Variants in CHAMP1 observed in about 807,000 individuals in gnomAD.
CHAMP1 encodes chromosome alignment maintaining phosphoprotein 1.
In CHAMP1, 4 loss-of-function variants were observed where a neutral mutation model predicts 54.5. That is an observed-to-expected ratio of 0.07 (90% CI 0.04 to 0.17). The LOEUF is 0.17. Ranked by LOEUF, CHAMP1 falls within the 10% of genes least tolerant of loss-of-function variation. CHAMP1 has a pLI of 1.00. For missense variants in CHAMP1, 994 were observed against 968.6 expected (o/e 1.03, Z -0.35); for synonymous variants, 368 against 342.2 (o/e 1.08, Z -0.83).
At position 114,324,381 on chromosome 13, in the gene CHAMP1, C is replaced by A. The variant is rs531791050; in HGVS notation, c.539C>A (p.Ala180Asp). 60 of 1,614,144 alleles carry A rather than the reference C, an allele frequency of 3.7e-5. 1 individual carries two copies. The South Asian group carries it at 6.3e-4, about 17-fold the overall frequency. ...CCTTCTCCTGAGCCTTCAAAACCTG[C>A]CTCTGTTTCTTCTCCTGAACCTCCA... Reference protein sequence around the residue: ...PLPSPEPSKPASVSSPEPPKS... With the variant: ...PLPSPEPSKPDSVSSPEPPKS... The change falls in exon 3 of 3, where the codon GCC (alanine) becomes GAC (aspartate). Residue 180 changes from alanine to aspartate, a missense_variant. Ala to Asp is a moderately radical substitution (Grantham distance 126, BLOSUM62 -2). Around this residue, in one of 3 missense-constraint regions of CHAMP1, gnomAD observed 851 missense variants for 701.3 expected, o/e 1.21. Coordinates refer to ENST00000361283, the MANE Select transcript of CHAMP1 (RefSeq NM_032436.4).
chr13:114,319,510 G>T (rs2087142456), intron 1 of CHAMP1, among the ~76,000 whole-genome samples: 1 of 152,198 alleles, frequency 6.6e-6, no homozygotes, highest in Non-Finnish European at 1.5e-5. Flanking sequence ...TGTACAGCTG[G>T]GGCTTCTAGG....
In CHAMP1 at chr13:114,326,562, C is replaced by G. The variant is rs930340959; in HGVS notation, c.*281C>G. On this transcript the variant is annotated 3_prime_UTR_variant, in exon 3 of 3. Transcript: ENST00000361283. ...ATAATAATACAAGGAAGTAGGCATT[C>G]CATTTAATAATCAAGAGCAAGTTGT... 7.2e-6 allele frequency: 2 copies of G among 277,072 alleles called. No homozygotes were observed. 17.2% of individuals were successfully genotyped at this position (277,072 alleles called of 1,614,324 possible).
chr13:114,317,320 C>G (rs561771172), intron 1 of CHAMP1, among the ~76,000 whole-genome samples: 2 of 152,066 alleles, frequency 1.3e-5, no homozygotes, highest in South Asian at 4.2e-4. Context: ...CCACTGCGCC[C>G]GCCCAGTTTA....
In CHAMP1 at chr13:114,325,695, A is replaced by G. The variant is rs782771342; in HGVS notation, c.1853A>G (p.Lys618Arg). The change falls in exon 3 of 3, where the codon AAG becomes AGG. Residue 618 changes from lysine (K) to arginine (R), a missense_variant. This residue lies in a region of CHAMP1 where 851 missense variants were observed against 701.3 expected (regional missense o/e 1.21). Transcript: ENST00000361283. ...LEDTLFPSSK[K>R]LKKDNQESSD... ...GATACTTTATTTCCTTCCTCAAAGAAGCTCAAGAAAGACAACCAAGAGAGC... is the reference window on the plus strand; with the variant it reads ...GATACTTTATTTCCTTCCTCAAAGAGGCTCAAGAAAGACAACCAAGAGAGC... The G allele has an allele frequency of 9.9e-6, 16 of 1,613,578 alleles. No individual in the cohort carries two copies. Among genetic ancestry groups the G allele is most frequent in the Non-Finnish European group, 1.4e-5 (16 of 1,179,908 alleles).
rs1555379693 is a variant in CHAMP1, at chr13:114,325,063, A to G, written c.1221A>G (p.Glu407=). The G allele has an allele frequency of 7.4e-6, 12 of 1,613,946 alleles. No individual in the cohort carries two copies. The highest frequency in any genetic ancestry group is 1.7e-6 in the Non-Finnish European group (2 of 1,180,024). ...AGACAGCTCCCACGTTGTCTCCTGA[A>G]CATTGGAAGGCAGTTCCCCCAGTGT... The part of the protein sequence containing the change: ...LRKTAPTLSP[E]HWKAVPPVSP... Residue 407 remains glutamate, a synonymous_variant, in exon 3 of 3, where the codon GAA becomes GAG. Coordinates refer to ENST00000361283, the MANE Select transcript of CHAMP1 (RefSeq NM_032436.4).
chr13:114,322,614 T>G (rs2087189159), intron 2 of CHAMP1: 1 of 152,212 alleles, frequency 6.6e-6, no homozygotes, highest in Admixed American at 6.5e-5. Context: ...ATGTATCAAT[T>G]TTACACACAA....
At chr13:114,319,589 C>A (rs765667075) in intron 1 of CHAMP1, among the ~76,000 whole-genome samples, 43 of 152,090 alleles carry the variant, frequency 2.8e-4, no homozygotes, top group Non-Finnish European at 5.6e-4. Flanking sequence ...AGAACTTCAA[C>A]CAAATGCCAA....
At chr13:114,323,608 C>T in intron 2 of CHAMP1, 180 bp from the exon 3 acceptor site, 1 of 466,254 alleles carries the variant, frequency 2.1e-6, no homozygotes, top group East Asian at 3.4e-5. Context: ...GTATGTGAAA[C>T]TCCTAGCAGA....
rs1226172025 is a variant in CHAMP1, at chr13:114,326,939, AGTT to A, written c.*662_*664del. The A allele has an allele frequency of 2.4e-5, 4 of 166,752 alleles. No homozygotes were observed. The highest frequency in any genetic ancestry group is 1.9e-4 in the East Asian group (1 of 5,192). 10.3% of individuals were successfully genotyped at this position (166,752 alleles called of 1,614,324 possible). On this transcript the variant is annotated 3_prime_UTR_variant, in exon 3 of 3. Transcript: ENST00000361283. ...GTGATTTTAGATCTTTCTTGTCCAT[AGTT>A]GTTTTCAGTGGAGTCTTCCATTCTG...
chr13:114,314,756 AG>A (rs2087074298), intron 1 of CHAMP1, 113 bp downstream of exon 1: 1 of 152,028 alleles, frequency 6.6e-6, no homozygotes, highest in South Asian at 2.1e-4. Context: ...GTCCGAGTGA[AG>A]GGGGCCTGCG....
At chr13:114,318,329 G>A (rs1335599627) in intron 1 of CHAMP1, among the ~76,000 whole-genome samples, 1 of 145,822 alleles carries the variant, frequency 6.9e-6, no homozygotes, top group Non-Finnish European at 1.5e-5. Flanking sequence ...TTTTTTTTTG[G>A]TTTTCTTTTT....
chr13:114,323,636 A>T, intron 2 of CHAMP1, 152 bp from the exon 3 acceptor site: 1 of 601,506 alleles, frequency 1.7e-6, no homozygotes, highest in African/African-American at 1.9e-5. Context: ...GGACTGTTCT[A>T]TATCTCCTTT....
At chr13:114,314,862 C>CA (rs2087075747) in intron 1 of CHAMP1, among the ~76,000 whole-genome samples, 2 of 152,196 alleles carry the variant, frequency 1.3e-5, no homozygotes, top group African/African-American at 4.8e-5. Flanking sequence ...GGCCCGGTGT[C>CA]AGTCGCTGCC....
At chr13:114,315,923 G>A (rs1413233437) in intron 1 of CHAMP1, among the ~76,000 whole-genome samples, 6 of 143,132 alleles carry the variant, frequency 4.2e-5, no homozygotes, top group Non-Finnish European at 7.5e-5. Context: ...TGCAACCTCC[G>A]CCCCCTGGGT....
chr13:114,322,832 C>T (rs782705854), intron 2 of CHAMP1: 5 of 152,112 alleles, frequency 3.3e-5, no homozygotes, highest in Non-Finnish European at 5.9e-5. Context: ...ACATTTCTTC[C>T]AGGACACATG....
rs144858829 is a variant in CHAMP1, at chr13:114,326,461, T to C, written c.*180T>C. Reference sequence around the variant, plus strand: ...CATTTTTTTCTGGTCTCTGTCTATGTGACTATCTTGTAAGTCAATAAATTT... The same window carrying C: ...CATTTTTTTCTGGTCTCTGTCTATGCGACTATCTTGTAAGTCAATAAATTT... On this transcript the variant is annotated 3_prime_UTR_variant, in exon 3 of 3. Transcript: ENST00000361283. The C allele has an allele frequency of 3.8e-4, 235 of 623,816 alleles. 4 individuals carry two copies. The East Asian group carries it at 6.9e-3, about 18-fold the overall frequency. 38.6% of individuals were successfully genotyped at this position (623,816 alleles called of 1,614,324 possible). A position where few individuals can be genotyped will look rare whatever the true frequency, so the allele number is the denominator to read the frequency against.
chr13:114,316,710 A>G (rs1299789442), intron 1 of CHAMP1, among the ~76,000 whole-genome samples: 1 of 152,096 alleles, frequency 6.6e-6, no homozygotes, highest in African/African-American at 2.4e-5. Flanking sequence ...ATACAGGTGA[A>G]GTATCCTTCA....
chr13:114,318,831 A>T (rs1343099439), intron 1 of CHAMP1, among the ~76,000 whole-genome samples: 6 of 80,042 alleles, frequency 7.5e-5, no homozygotes, highest in South Asian at 3.9e-4. Context: ...TTTTTTTTTT[A>T]AAGGGCCATC....
chr13:114,322,672 C>G (rs782018252), intron 2 of CHAMP1: 8 of 152,196 alleles, frequency 5.3e-5, no homozygotes, highest in African/African-American at 1.9e-4. Flanking sequence ...GAAATACCCT[C>G]ACATGCACAG....
Sources: allele counts gnomAD v4.1 joint callset (sites outside exome capture counted in the v4.1 genomes callset), GRCh38; gene constraint gnomAD v4.1.1; regional missense constraint gnomAD v4.1.1; transcripts MANE v1.5; gene names NCBI Gene and HGNC (gene_info 2026-07-23, HGNC 2026-07-21).